The following MAST4 variants were observed in gnomAD, a reference collection of about 807,000 sequenced individuals.
MAST4 encodes the protein microtubule-associated serine/threonine-protein kinase 4.
In MAST4, 89 loss-of-function variants were observed where a neutral mutation model predicts 162.7. The observed-to-expected ratio is 0.55, with a 90% CI of 0.46 to 0.65. The LOEUF is 0.65. Among genes scored for constraint, MAST4 ranks in the 30% least tolerant of loss-of-function variants. The pLI, the probability that MAST4 is intolerant of heterozygous loss-of-function variation, is 0.00. For missense variants in MAST4, 3,153 were observed against 3,374.0 expected (o/e 0.93, Z 1.62); for synonymous variants, 1,479 against 1,361.1 (o/e 1.09, Z -1.91).
intron 3 of MAST4, among the ~76,000 whole-genome samples, chr5:66,791,748 G>A (rs1755420531): frequency 1.3e-5 from 2 of 152,114 alleles, no homozygotes; most frequent in Non-Finnish European, 2.9e-5. Context: ...AGATAGTGAA[G>A]GTTTAAAATT....
At position 66,596,439 on chromosome 5, in the gene MAST4, C is replaced by A; in HGVS notation, c.-217C>A. 4.3e-6 allele frequency: 2 copies of A among 468,446 alleles called. No individual in the cohort carries two copies. Among genetic ancestry groups the A allele is most frequent in the East Asian group, 3.6e-5 (1 of 27,838 alleles). The allele number at this position is 468,446 out of a possible 1,614,324, so 29.0% of individuals were successfully genotyped here. A position where few individuals can be genotyped will look rare whatever the true frequency, so the allele number is the denominator to read the frequency against. ...ACCCGAGCGGGCATGTCCCCGCGCG[C>A]GGGAGCCTCCGTTTGCGGCCGGGCC... On this transcript the variant is annotated 5_prime_UTR_variant, in exon 1 of 29. Transcript: ENST00000403625.
intron 11 of MAST4, among the ~76,000 whole-genome samples, chr5:67,111,802 A>G (rs979761326): frequency 6.6e-6 from 1 of 152,204 alleles, no homozygotes; most frequent in Non-Finnish European, 1.5e-5. Flanking sequence ...ATCGGAGGAG[A>G]AAAAGTATAG....
chr5:67,142,090 T>C, intron 19 of MAST4, 25 bp from the exon 20 acceptor site: 2 of 1,608,214 alleles, frequency 1.2e-6, no homozygotes, highest in South Asian at 1.1e-5. Flanking sequence ...CACTTTCCTC[T>C]CTGTCTCTAC....
chr5:66,843,462 G>A (rs1758570389), intron 3 of MAST4, among the ~76,000 whole-genome samples: 1 of 152,156 alleles, frequency 6.6e-6, no homozygotes, highest in African/African-American at 2.4e-5. Context: ...ACAGAGAGGA[G>A]AATGATTTTC....
At chr5:66,969,102 T>C (rs947638429) in intron 4 of MAST4, among the ~76,000 whole-genome samples, 1 of 152,176 alleles carries the variant, frequency 6.6e-6, no homozygotes, top group Non-Finnish European at 1.5e-5. Flanking sequence ...AATAAGAGAA[T>C]TGTGAATTGG....
chr5:66,987,168 G>T (rs1273168868), intron 4 of MAST4, among the ~76,000 whole-genome samples: 1 of 152,136 alleles, frequency 6.6e-6, no homozygotes, highest in Non-Finnish European at 1.5e-5. Context: ...TTATGTGAAA[G>T]AAACGAGAGC....
chr5:67,005,760 G>C (rs1751952365), intron 4 of MAST4, among the ~76,000 whole-genome samples: 1 of 152,244 alleles, frequency 6.6e-6, no homozygotes, highest in Non-Finnish European at 1.5e-5. Context: ...CTTGTGTTGA[G>C]AGACTATGAC....
chr5:66,624,152 T>TTTG (rs895321852), intron 1 of MAST4, among the ~76,000 whole-genome samples: 2 of 63,450 alleles, frequency 3.2e-5, no homozygotes, highest in Admixed American at 1.6e-4. Flanking sequence ...AAATGTTTTT[T>TTTG]TTTTTTTTTT....
At chr5:67,101,286 G>A (rs1236366919) in intron 8 of MAST4, among the ~76,000 whole-genome samples, 2 of 152,182 alleles carry the variant, frequency 1.3e-5, no homozygotes, top group Admixed American at 6.5e-5. Flanking sequence ...GCTCGGGAAC[G>A]ACAGGACTCA....
At chr5:66,625,931 C>T (rs1206318788) in intron 1 of MAST4, among the ~76,000 whole-genome samples, 1 of 152,092 alleles carries the variant, frequency 6.6e-6, no homozygotes, top group Admixed American at 6.5e-5. Flanking sequence ...TATATGTGTA[C>T]AATGGAATAT....
chr5:66,819,103 T>C (rs942590092), intron 3 of MAST4, among the ~76,000 whole-genome samples: 1 of 152,208 alleles, frequency 6.6e-6, no homozygotes, highest in Admixed American at 6.5e-5. Flanking sequence ...AACTGTTAAC[T>C]GTTAACTAGT....
chr5:66,723,184 C>A (rs911121777), intron 1 of MAST4, among the ~76,000 whole-genome samples: 7 of 152,062 alleles, frequency 4.6e-5, no homozygotes, highest in Non-Finnish European at 1.0e-4. Flanking sequence ...AACTTAGGTA[C>A]CATTTTAAAT....
intron 1 of MAST4, among the ~76,000 whole-genome samples, chr5:66,616,458 A>G (rs1227401971): frequency 6.6e-6 from 1 of 152,234 alleles, no homozygotes; most frequent in African/African-American, 2.4e-5. Context: ...AACTGTCTCA[A>G]ATAAGACCAG....
intron 3 of MAST4, among the ~76,000 whole-genome samples, chr5:66,798,734 C>A (rs1282624153): frequency 1.3e-5 from 2 of 152,248 alleles, no homozygotes; most frequent in East Asian, 3.9e-4. Flanking sequence ...GAATTAATGC[C>A]TGTTCTAGTA....
chr5:66,680,350 C>T (rs1276935466), intron 1 of MAST4, among the ~76,000 whole-genome samples: 2 of 152,150 alleles, frequency 1.3e-5, no homozygotes, highest in Non-Finnish European at 2.9e-5. Flanking sequence ...CAGTTGCTAA[C>T]CCTGTATCTG....
chr5:66,720,185 A>G (rs891550432), intron 1 of MAST4, among the ~76,000 whole-genome samples: 2 of 152,130 alleles, frequency 1.3e-5, no homozygotes, highest in African/African-American at 4.8e-5. Context: ...ATTTTTTTAA[A>G]TGGAATGTTG....
intron 3 of MAST4, among the ~76,000 whole-genome samples, chr5:66,794,698 T>G (rs2149685462): frequency 6.6e-6 from 1 of 152,352 alleles, no homozygotes; most frequent in African/African-American, 2.4e-5. Context: ...TTAACTTTTT[T>G]GAAGGGACAA....
chr5:66,797,632 G>T (rs1755715990), intron 3 of MAST4, among the ~76,000 whole-genome samples: 1 of 152,190 alleles, frequency 6.6e-6, no homozygotes, highest in South Asian at 2.1e-4. Context: ...GGAAATCCAA[G>T]ATCAAGGTGG....
intron 4 of MAST4, among the ~76,000 whole-genome samples, chr5:66,911,892 A>G (rs759171532): frequency 6.6e-6 from 1 of 152,196 alleles, no homozygotes; most frequent in Non-Finnish European, 1.5e-5. Context: ...AGAAAAAATG[A>G]TTTTTAACTT....
Sources: allele counts gnomAD v4.1 joint callset (sites outside exome capture counted in the v4.1 genomes callset), GRCh38; gene constraint gnomAD v4.1.1; transcripts MANE v1.5; gene names NCBI Gene and HGNC (gene_info 2026-07-23, HGNC 2026-07-21).